Variants in UBE2V1 observed in about 807,000 individuals in gnomAD.
UBE2V1 encodes ubiquitin conjugating enzyme E2 V1.
In UBE2V1, 15 loss-of-function variants were observed where a neutral mutation model predicts 19.6. That is an observed-to-expected ratio of 0.77 (90% CI 0.51 to 1.18). The LOEUF (loss-of-function observed/expected upper bound fraction) is 1.18, where lower values mean the gene tolerates loss of function less well. Among genes scored for constraint, UBE2V1 ranks in the 50% most tolerant of loss-of-function variants. UBE2V1 has a pLI of 0.00. For synonymous variants in UBE2V1, 60 were observed against 60.7 expected, an observed-to-expected ratio of 0.99 and a Z score of 0.05; for missense variants, 125 against 184.8, an observed-to-expected ratio of 0.68 and a Z score of 1.88.
chr20:50,109,125 G>C (rs1458040303), intron 1 of UBE2V1: 1 of 985,308 alleles, frequency 1.0e-6, no homozygotes, highest in African/African-American at 1.7e-5. Flanking sequence ...TGGAGAGTTA[G>C]ATGAGACAAC....
chr20:50,113,213 A>G (rs2147241865), upstream of UBE2V1: 3 of 1,047,564 alleles, frequency 2.9e-6, no homozygotes, highest in East Asian at 4.0e-5. Context: ...GCGCGCGCGC[A>G]CGCACATACG....
intron 1 of UBE2V1, among the ~76,000 whole-genome samples, chr20:50,112,426 T>C (rs2080817499): frequency 1.3e-5 from 2 of 152,186 alleles, no homozygotes; most frequent in East Asian, 1.9e-4. Flanking sequence ...TCACCGCTAT[T>C]AGGTCCCTCT....
intron 2 of UBE2V1, among the ~76,000 whole-genome samples, chr20:50,089,646 A>G (rs1212909019): frequency 6.6e-6 from 1 of 151,998 alleles, no homozygotes; most frequent in Non-Finnish European, 1.5e-5. Context: ...CTCTCTGCAC[A>G]GCGACGAGAC....
At chr20:50,094,042 T>C in intron 2 of UBE2V1, among the ~76,000 whole-genome samples, 1 of 122,042 alleles carries the variant, frequency 8.2e-6, no homozygotes, top group East Asian at 2.2e-4. Context: ...AAAATATATA[T>C]ATATAAAATA....
chr20:50,103,179 G>C (rs1234312713), intron 1 of UBE2V1, among the ~76,000 whole-genome samples: 2 of 152,304 alleles, frequency 1.3e-5, no homozygotes, highest in Non-Finnish European at 2.9e-5. Flanking sequence ...CAATGTGTCA[G>C]GGTGTTTTGC....
chr20:50,108,492 C>CA (rs1316362207), intron 1 of UBE2V1, among the ~76,000 whole-genome samples: 2 of 152,146 alleles, frequency 1.3e-5, no homozygotes, highest in Non-Finnish European at 2.9e-5. Context: ...GCCAAGAGCA[C>CA]GTGTCCTGAA....
At chr20:50,108,859 G>T in intron 1 of UBE2V1, 1 of 856,132 alleles carries the variant, frequency 1.2e-6, no homozygotes, top group Non-Finnish European at 1.4e-6. Flanking sequence ...GGCCAGAGAT[G>T]CTATAAAAAG....
chr20:50,096,856 A>G (rs1436033901), intron 1 of UBE2V1, 36 bp from the exon 2 acceptor site: 1 of 1,612,076 alleles, frequency 6.2e-7, no homozygotes, highest in Non-Finnish European at 8.5e-7. Flanking sequence ...GATACCAGCA[A>G]CTCCAGGGGA....
At chr20:50,115,704 C>T, upstream of UBE2V1, 1 of 1,129,560 alleles carries the variant, frequency 8.9e-7, no homozygotes, top group East Asian at 3.2e-5. Flanking sequence ...ATTACCAAGC[C>T]GTTACATCCA....
At chr20:50,107,675 C>T (rs775863624) in intron 1 of UBE2V1, among the ~76,000 whole-genome samples, 1 of 152,188 alleles carries the variant, frequency 6.6e-6, no homozygotes, top group African/African-American at 2.4e-5. Context: ...CAAATGTATC[C>T]ATTTGGCTAC....
rs2080593213 is a variant in UBE2V1 at position 50,109,341 on chromosome 20, G to A, written c.22+3766C>T. ...AGCTACAATTTGTGGGGAGGTGGGAGGGATAGAGATATGAAGAGAAAAGAG... is the reference window on the plus strand; with the variant it reads ...AGCTACAATTTGTGGGGAGGTGGGAAGGATAGAGATATGAAGAGAAAAGAG... On this transcript the variant is annotated intron_variant, in intron 1 of 3. Transcript: ENST00000371674. Among the ~76,000 whole-genome samples the A allele has an allele frequency of 4.6e-5, 7 of 152,144 alleles. No individual in the cohort carries two copies. In the South Asian group the frequency reaches 1.5e-3, roughly 32 times the overall value.
intron 2 of UBE2V1, among the ~76,000 whole-genome samples, chr20:50,087,411 G>C (rs1327527385): frequency 1.5e-5 from 2 of 133,074 alleles, no homozygotes; most frequent in African/African-American, 5.9e-5. Context: ...AAAAAAAAAA[G>C]CCCCAAGCTA....
intron 1 of UBE2V1, among the ~76,000 whole-genome samples, chr20:50,107,214 C>A (rs558984400): frequency 6.6e-6 from 1 of 152,216 alleles, no homozygotes; most frequent in Non-Finnish European, 1.5e-5. Flanking sequence ...ATCGCAAACT[C>A]GCTAGAAATG....
intron 1 of UBE2V1, among the ~76,000 whole-genome samples, chr20:50,101,512 A>G (rs6020263): frequency 0.33 from 44,012 of 133,136 alleles, 7,833 homozygotes; most frequent in African/African-American, 0.5. Flanking sequence ...TCTGCCTCCT[A>G]GGTTCAAGCA....
At chr20:50,109,619 C>T (rs1443902450) in intron 1 of UBE2V1, among the ~76,000 whole-genome samples, 6 of 151,786 alleles carry the variant, frequency 4.0e-5, no homozygotes, top group East Asian at 1.9e-4. Context: ...CGTGGTGGCG[C>T]GTGCCTGTGA....
At position 50,082,480 on chromosome 20, in the gene UBE2V1, A is replaced by G. The variant is rs554507531; in HGVS notation, c.*288T>C. ...TTGAGTTAGATGTGCCCCACCAGTT[A>G]TGATGGGAATCAATTTAAATAGACT... On this transcript the variant is annotated 3_prime_UTR_variant, in exon 4 of 4. Transcript: ENST00000371674. The G allele has an allele frequency of 2.1e-4, 78 of 363,466 alleles. 1 individual carries two copies. The highest frequency in any genetic ancestry group is 1.5e-3 in the African/African-American group (73 of 47,232). The allele number at this position is 363,466 out of a possible 1,614,324, so 22.5% of individuals were successfully genotyped here. A position where few individuals can be genotyped will look rare whatever the true frequency, so the allele number is the denominator to read the frequency against.
chr20:50,098,679 T>C (rs1316394941), intron 1 of UBE2V1, among the ~76,000 whole-genome samples: 4 of 152,164 alleles, frequency 2.6e-5, no homozygotes, highest in Admixed American at 6.5e-5. Context: ...TGGTATGTGA[T>C]TGAACACTTC....
In UBE2V1 at chr20:50,082,839, G is replaced by A. The variant is rs529730514; in HGVS notation, c.373C>T (p.Arg125Trp). Residue 125 changes from arginine to tryptophan, a missense_variant, in exon 4 of 4, where the codon CGG becomes TGG. By Grantham distance (101) the Arg-to-Trp change is moderately radical (BLOSUM62 -3). Coordinates refer to ENST00000371674, the MANE Select transcript of UBE2V1 (RefSeq NM_001032288.3). Reference protein sequence around the residue: ...YSIKVVLQELRRLMMSKENMK... With the variant: ...YSIKVVLQELWRLMMSKENMK... ...TTTTCTTTAGACATCATTAGGCGCC[G>A]AAGCTCTTGCAGGACAACTTTGATG... The A allele has an allele frequency of 1.2e-6, 2 of 1,613,296 alleles. No individual in the cohort carries two copies. Among genetic ancestry groups the A allele is most frequent in the Admixed American group, 1.7e-5 (1 of 60,002 alleles).
In UBE2V1 at chr20:50,112,730, T is replaced by A. The variant is rs531423326; in HGVS notation, c.22+377A>T. Reference sequence around the variant, plus strand: ...CCTGGCACCCAGTATGGGACTTCCATCCGCTGTGGGGCGCCTCCTCTAGGG... The same window carrying A: ...CCTGGCACCCAGTATGGGACTTCCAACCGCTGTGGGGCGCCTCCTCTAGGG... On this transcript the variant is annotated intron_variant, in intron 1 of 3. Coordinates refer to ENST00000371674, the MANE Select transcript of UBE2V1 (RefSeq NM_001032288.3). Among the ~76,000 whole-genome samples the A allele has an allele frequency of 1.6e-4, 25 of 152,248 alleles. No individual in the cohort carries two copies. In the South Asian group the frequency reaches 4.8e-3, roughly 29 times the overall value.
Sources: gnomAD v4.1 joint callset for allele counts (sites outside exome capture counted in the v4.1 genomes callset) on GRCh38, gnomAD v4.1.1 for gene constraint, MANE v1.5 for transcripts, NCBI Gene and HGNC (gene_info 2026-07-23, HGNC 2026-07-21) for gene names.